DENND1A: variants seen among roughly 807,000 people sequenced by gnomAD.
The protein encoded by DENND1A is DENN domain containing 1A.
DENND1A carries 51 observed loss-of-function variants against 113.7 expected under a neutral mutation model. The observed-to-expected ratio is 0.45, with a 90% CI of 0.36 to 0.57. DENND1A has a LOEUF of 0.57. Among genes scored for constraint, DENND1A ranks in the 20% least tolerant of loss-of-function variants. The pLI, the probability that DENND1A is intolerant of heterozygous loss-of-function variation, is 0.00. For missense variants in DENND1A, 1,258 were observed against 1,395.9 expected, an observed-to-expected ratio of 0.90 and a Z score of 1.57; for synonymous variants, 565 against 570.8, an observed-to-expected ratio of 0.99 and a Z score of 0.14.
chr9:123,596,069 A>G (rs2059676052), intron 11 of DENND1A, among the ~76,000 whole-genome samples: 1 of 152,220 alleles, frequency 6.6e-6, no homozygotes, highest in South Asian at 2.1e-4. Flanking sequence ...CAAAGCACAA[A>G]CATGCGATGA....
chr9:123,680,889 A>T (rs2064403360), intron 5 of DENND1A, among the ~76,000 whole-genome samples: 1 of 152,180 alleles, frequency 6.6e-6, no homozygotes, highest in Non-Finnish European at 1.5e-5. Context: ...AGGCTGACCA[A>T]GTCGAGGAAG....
chr9:123,928,516 C>A lies in DENND1A; in HGVS notation c.17+1373G>T, dbSNP rs1857487166. 3.1e-6 allele frequency: 3 copies of A among 970,700 alleles called. 1 individual carries two copies. The highest frequency in any genetic ancestry group is 9.5e-5 in the South Asian group (2 of 20,992). The allele number at this position is 970,700 out of a possible 1,614,324, so 60.1% of individuals were successfully genotyped here. A position where few individuals can be genotyped will look rare whatever the true frequency, so the allele number is the denominator to read the frequency against. On this transcript the variant is annotated intron_variant, in intron 1 of 23. Transcript: ENST00000394215. ...AAGCCTCTCAAGCTCTTGTTTGGAG[C>A]ATGCTTCTAACTTTTTTCTCATTTC...
Position 123,842,785 on chromosome 9 carries a change from T to C in DENND1A, c.88+36166A>G, listed in dbSNP as rs547491862. Among the ~76,000 whole-genome samples, 2 of 152,342 alleles carry C rather than the reference T, an allele frequency of 1.3e-5. 1 individual carries two copies. The highest frequency in any genetic ancestry group is 4.1e-4 in the South Asian group (2 of 4,822). ...AATTCATTCTATAAGGCCAGTATTA[T>C]GCTGATACCAAAAGCAAACAAATAT... is the stretch of plus-strand genomic sequence containing the variant. On this transcript the variant is annotated intron_variant, in intron 2 of 23. Coordinates refer to ENST00000394215, the MANE Select transcript of DENND1A (RefSeq NM_001352964.2).
intron 5 of DENND1A, among the ~76,000 whole-genome samples, chr9:123,710,139 G>A (rs2066483984): frequency 6.6e-6 from 1 of 152,142 alleles, no homozygotes; most frequent in Non-Finnish European, 1.5e-5. Flanking sequence ...AACTACGAAA[G>A]CACTTCCAAA....
chr9:123,859,658 G>A (rs1381257167), intron 2 of DENND1A, among the ~76,000 whole-genome samples: 1 of 151,760 alleles, frequency 6.6e-6, no homozygotes, highest in Non-Finnish European at 1.5e-5. Flanking sequence ...AAAGAACATG[G>A]GAATGCTTAC....
chr9:123,764,349 A>G lies in DENND1A; in HGVS notation c.182+5165T>C, dbSNP rs2071288272. 6.6e-6 allele frequency among the ~76,000 whole-genome samples: 1 copy of G among 152,226 alleles called. No individual in the cohort carries two copies. The highest frequency in any genetic ancestry group is 1.5e-5 in the Non-Finnish European group (1 of 68,034). On this transcript the variant is annotated intron_variant, in intron 4 of 23. Coordinates refer to ENST00000394215, the MANE Select transcript of DENND1A (RefSeq NM_001352964.2). The surrounding 1 kb of genome is among the most constrained non-coding windows in gnomAD (Gnocchi z 4.1). ...CCGACAATTATCTGTTGTCCATGGC[A>G]GGGCACCTAACAGACACTTTTCCTT...
At chr9:123,708,031 G>T (rs1373699733) in intron 5 of DENND1A, among the ~76,000 whole-genome samples, 2 of 152,164 alleles carry the variant, frequency 1.3e-5, no homozygotes, top group African/African-American at 4.8e-5. Flanking sequence ...TGATAACAGG[G>T]GAGAAGGTAG....
chr9:123,485,168 T>G (rs544107986), intron 13 of DENND1A, among the ~76,000 whole-genome samples: 22 of 152,288 alleles, frequency 1.4e-4, no homozygotes, highest in African/African-American at 4.6e-4. Flanking sequence ...TGAGCATGTG[T>G]GAGGTCTTGG....
chr9:123,809,411 T>C (rs917583475), intron 2 of DENND1A, among the ~76,000 whole-genome samples: 1 of 152,216 alleles, frequency 6.6e-6, no homozygotes, highest in African/African-American at 2.4e-5. Flanking sequence ...ACATATAAAC[T>C]AAAAATGTTT....
At chr9:123,918,204 A>C (rs1855537181) in intron 1 of DENND1A, among the ~76,000 whole-genome samples, 1 of 151,468 alleles carries the variant, frequency 6.6e-6, no homozygotes, top group African/African-American at 2.4e-5. Context: ...TTCCCACTGG[A>C]CAGGCCGGGC....
intron 11 of DENND1A, among the ~76,000 whole-genome samples, chr9:123,585,100 T>C (rs2059100345): frequency 1.3e-5 from 2 of 152,008 alleles, no homozygotes; most frequent in Non-Finnish European, 2.9e-5. Flanking sequence ...GAAAAAACAC[T>C]CCCAGGCAGC....
At chr9:123,845,506 C>T (rs1011155309) in intron 2 of DENND1A, among the ~76,000 whole-genome samples, 2 of 150,932 alleles carry the variant, frequency 1.3e-5, no homozygotes, top group Non-Finnish European at 3.0e-5. Flanking sequence ...CTCTCCCTAC[C>T]CACCCCCCAA....
chr9:123,634,434 C>CTATATA (rs1443401875), intron 9 of DENND1A, among the ~76,000 whole-genome samples: 1 of 152,174 alleles, frequency 6.6e-6, no homozygotes, highest in East Asian at 1.9e-4. Context: ...ACAAGACTTA[C>CTATATA]TATATATCTA....
chr9:123,449,218 C>A (rs7862422), intron 18 of DENND1A, among the ~76,000 whole-genome samples: 152,107 of 152,282 alleles, frequency 1, 75,966 homozygotes, highest in Non-Finnish European at 1. Flanking sequence ...CCTAGTCTGG[C>A]CCACCCTTAA....
At chr9:123,795,697 C>T (rs758020142) in intron 2 of DENND1A, among the ~76,000 whole-genome samples, 21 of 152,240 alleles carry the variant, frequency 1.4e-4, no homozygotes, top group African/African-American at 4.3e-4. Context: ...AACTGTGCAT[C>T]GGTCTAATAT....
At chr9:123,734,805 A>G (rs1266277250) in intron 5 of DENND1A, among the ~76,000 whole-genome samples, 1 of 152,190 alleles carries the variant, frequency 6.6e-6, no homozygotes, top group East Asian at 1.9e-4. Context: ...ATCCTCTCAC[A>G]TGAGCACATC....
chr9:123,835,107 AG>A (rs1484951862), intron 2 of DENND1A, among the ~76,000 whole-genome samples: 2 of 148,924 alleles, frequency 1.3e-5, no homozygotes, highest in Admixed American at 6.7e-5. Context: ...CTTGCTTTAG[AG>A]GGGAAAAAAA....
intron 9 of DENND1A, among the ~76,000 whole-genome samples, chr9:123,635,655 G>GGGGATTAAAA (rs1353005309): frequency 6.6e-6 from 1 of 152,190 alleles, no homozygotes; most frequent in African/African-American, 2.4e-5. Flanking sequence ...ACACAGATCT[G>GGGGATTAAAA]ATCATTTCCT....
chr9:123,821,261 C>G (rs1265334399), intron 2 of DENND1A, among the ~76,000 whole-genome samples: 1 of 151,900 alleles, frequency 6.6e-6, no homozygotes, highest in African/African-American at 2.4e-5. Context: ...AGACAATAGA[C>G]TGAAATATAA....
Sources: gnomAD v4.1 joint callset for allele counts (sites outside exome capture counted in the v4.1 genomes callset) on GRCh38, gnomAD v4.1.1 for gene constraint, Gnocchi (gnomAD v3.1) non-coding constraint, MANE v1.5 for transcripts, NCBI Gene and HGNC (gene_info 2026-07-23, HGNC 2026-07-21) for gene names.